Variants in PPFIBP2 observed in about 807,000 individuals in gnomAD.
PPFIBP2 encodes PPFIB scaffold protein 2, also known as liprin-beta-2.
In PPFIBP2, 118 loss-of-function variants were observed where a neutral mutation model predicts 118.3. The observed-to-expected ratio is 1.00, with a 90% CI of 0.86 to 1.16. PPFIBP2 has a LOEUF of 1.16. Ranked by LOEUF, PPFIBP2 falls within the 50% of genes most tolerant of loss-of-function variation. The pLI, the probability that PPFIBP2 is intolerant of heterozygous loss-of-function variation, is 0.00. For synonymous variants in PPFIBP2, 414 were observed against 397.4 expected (o/e 1.04, Z -0.50); for missense variants, 1,195 against 1,073.1 (o/e 1.11, Z -1.59).
chr11:7,628,586 T>A (rs1453996859), intron 9 of PPFIBP2, among the ~76,000 whole-genome samples: 1 of 152,214 alleles, frequency 6.6e-6, no homozygotes. Context: ...GCCCTGCCTG[T>A]TCCTGCTGGT....
chr11:7,666,028 G>A, the PPFIBP2 span: 1 of 925,746 alleles, frequency 1.1e-6, no homozygotes, highest in Non-Finnish European at 1.7e-6. Context: ...ATGCTGTCTG[G>A]GCTGCAGCAG....
At chr11:7,591,936 G>C (rs1231488126) in intron 3 of PPFIBP2, among the ~76,000 whole-genome samples, 1 of 152,168 alleles carries the variant, frequency 6.6e-6, no homozygotes, top group Non-Finnish European at 1.5e-5. Context: ...TTTTCTCATG[G>C]AGGGTGGTGG....
At chr11:7,593,074 GT>G (rs757274415) in intron 3 of PPFIBP2, 57 bp from the exon 4 acceptor site, 101 of 1,597,396 alleles carry the variant, frequency 6.3e-5, no homozygotes, top group Non-Finnish European at 4.3e-5. Flanking sequence ...TCATTTAGAA[GT>G]TGGTAAGATG....
chr11:7,596,717 C>G (rs1860385531), intron 4 of PPFIBP2, among the ~76,000 whole-genome samples: 1 of 152,108 alleles, frequency 6.6e-6, no homozygotes, highest in African/African-American at 2.4e-5. Context: ...TTATCAACTG[C>G]TAATTTCTTC....
rs2135874732 is a variant in PPFIBP2 at position 7,639,877 on chromosome 11, G to A, written c.1375+7G>A. The stretch of plus-strand genomic sequence containing the variant: ...AGCAGCCTGCTGAGGCTGAGTGAGT[G>A]TCCAGCCCTGGTGCTGGTGGCCTCT... On this transcript the variant is annotated splice_region_variant and intron_variant, in intron 15 of 23. Transcript: ENST00000299492. 3.7e-6 allele frequency: 6 copies of A among 1,612,340 alleles called. No individual in the cohort carries two copies. The highest frequency in any genetic ancestry group is 5.1e-6 in the Non-Finnish European group (6 of 1,179,352).
the PPFIBP2 span, chr11:7,665,827 C>G: frequency 2.0e-6 from 3 of 1,533,270 alleles, no homozygotes; most frequent in Non-Finnish European, 2.6e-6. Flanking sequence ...CGAGGTATAC[C>G]GAGGTGTGTG....
intron 20 of PPFIBP2, 53 bp from the exon 21 acceptor site, chr11:7,649,479 G>T (rs1285488733): frequency 6.2e-7 from 1 of 1,609,180 alleles, no homozygotes; most frequent in African/African-American, 1.3e-5. Context: ...GACATCAGGG[G>T]TCTTTTGTCA....
intron 6 of PPFIBP2, among the ~76,000 whole-genome samples, chr11:7,617,825 A>G (rs1368271974): frequency 1.3e-5 from 2 of 152,240 alleles, no homozygotes; most frequent in African/African-American, 4.8e-5. Flanking sequence ...TCCAGGAAAA[A>G]TCCCCCCCAC....
At chr11:7,547,597 C>G (rs1180957758) in intron 1 of PPFIBP2, among the ~76,000 whole-genome samples, 1 of 152,204 alleles carries the variant, frequency 6.6e-6, no homozygotes, top group Admixed American at 6.5e-5. Context: ...GGCCTCCATT[C>G]AGGCCCCAGG....
intron 2 of PPFIBP2, among the ~76,000 whole-genome samples, chr11:7,557,303 GTTT>G (rs1422283010): frequency 6.6e-6 from 1 of 150,706 alleles, no homozygotes; most frequent in Non-Finnish European, 1.5e-5. Context: ...TTTCTTTAAG[GTTT>G]TTATTTCTTC....
At chr11:7,636,654 AAC>A (rs1207555211) in intron 14 of PPFIBP2, among the ~76,000 whole-genome samples, 3 of 152,314 alleles carry the variant, frequency 2.0e-5, no homozygotes, top group Non-Finnish European at 2.9e-5. Context: ...CTCCTTTGGA[AAC>A]ACACCCAGCT....
intron 1 of PPFIBP2, among the ~76,000 whole-genome samples, chr11:7,541,091 G>C (rs775534233): frequency 2.6e-5 from 4 of 152,250 alleles, no homozygotes; most frequent in Non-Finnish European, 5.9e-5. Context: ...CTAAGCAAAA[G>C]GGTGCCTGGT....
intron 17 of PPFIBP2, 52 bp downstream of exon 17, chr11:7,642,478 C>T (rs898735977): frequency 2.6e-6 from 4 of 1,566,462 alleles, no homozygotes; most frequent in Non-Finnish European, 3.5e-6. Flanking sequence ...AAAGAAGTAT[C>T]TCCCTTCAAA....
chr11:7,596,618 A>G (rs1356778533), intron 4 of PPFIBP2, among the ~76,000 whole-genome samples: 4 of 152,202 alleles, frequency 2.6e-5, no homozygotes, highest in African/African-American at 9.6e-5. Context: ...TGCACCATCT[A>G]TTATTCCATT....
chr11:7,631,241 T>G, intron 11 of PPFIBP2: 2 of 518,162 alleles, frequency 3.9e-6, no homozygotes, highest in Non-Finnish European at 6.9e-6. Flanking sequence ...TGGTGGATAC[T>G]GGAACTTTCA....
intron 17 of PPFIBP2, among the ~76,000 whole-genome samples, chr11:7,647,708 G>T (rs973352368): frequency 3.9e-5 from 6 of 152,102 alleles, no homozygotes; most frequent in Non-Finnish European, 5.9e-5. Flanking sequence ...AGCTTTCTTG[G>T]GTTTTCTAAA....
chr11:7,576,020 G>T (rs1856276813), intron 3 of PPFIBP2, among the ~76,000 whole-genome samples: 1 of 152,222 alleles, frequency 6.6e-6, no homozygotes, highest in South Asian at 2.1e-4. Context: ...CTGTGGGCTG[G>T]CCCAGCCTGC....
At chr11:7,642,471 G>C (rs531058186) in intron 17 of PPFIBP2, 45 bp downstream of exon 17, 1 of 1,574,306 alleles carries the variant, frequency 6.4e-7, no homozygotes, top group East Asian at 2.3e-5. Flanking sequence ...CTCTGAAAAA[G>C]AAGTATCTCC....
At position 7,652,267 on chromosome 11, in the gene PPFIBP2, T is replaced by G. The variant is rs117564787; in HGVS notation, c.2436+423T>G. On this transcript the variant is annotated intron_variant, in intron 23 of 23. Coordinates refer to ENST00000299492, the MANE Select transcript of PPFIBP2 (RefSeq NM_003621.5). ...GGAAGTGCTTCCAATGGAAGCTGGT[T>G]CCATTTGTCTTGTTTCGTGAAGTGG... is the stretch of plus-strand genomic sequence containing the variant. Among the ~76,000 whole-genome samples the G allele has an allele frequency of 5.4e-3, 820 of 152,284 alleles. 6 individuals carry two copies. Among genetic ancestry groups the G allele is most frequent in the Non-Finnish European group, 9.5e-3 (644 of 68,018 alleles).
Sources: gnomAD v4.1 joint callset for allele counts (sites outside exome capture counted in the v4.1 genomes callset) on GRCh38, gnomAD v4.1.1 for gene constraint, MANE v1.5 for transcripts, NCBI Gene and HGNC (gene_info 2026-07-23, HGNC 2026-07-21) for gene names.